COL24A1: variants seen among roughly 807,000 people sequenced by gnomAD.
The protein encoded by COL24A1 is collagen alpha-1(XXIV) chain.
In COL24A1, 224 loss-of-function variants were observed where a neutral mutation model predicts 253.9. The observed-to-expected ratio is 0.88, with a 90% CI of 0.79 to 0.99. The LOEUF (loss-of-function observed/expected upper bound fraction) is 0.99, where lower values mean the gene tolerates loss of function less well. Ranked by LOEUF, COL24A1 falls within the 50% of genes least tolerant of loss-of-function variation. The pLI is 0.00. For missense variants in COL24A1, 2,131 were observed against 2,068.5 expected (o/e 1.03, Z -0.59); for synonymous variants, 685 against 673.7 (o/e 1.02, Z -0.26).
intron 19 of COL24A1, among the ~76,000 whole-genome samples, chr1:86,003,607 A>C (rs904958952): frequency 6.6e-6 from 1 of 152,182 alleles, no homozygotes; most frequent in Non-Finnish European, 1.5e-5. Context: ...AGGTACACTT[A>C]TGCATACTCT....
intron 19 of COL24A1, among the ~76,000 whole-genome samples, chr1:85,996,380 A>T (rs942867564): frequency 6.6e-6 from 1 of 152,152 alleles, no homozygotes; most frequent in Admixed American, 6.5e-5. Flanking sequence ...TAAATATCTT[A>T]AGAATATCAA....
Position 85,737,423 on chromosome 1 carries a change from T to A in COL24A1, c.4755A>T (p.Thr1585=). The change falls in exon 58 of 60, where the codon ACA becomes ACT. Residue 1585 remains threonine, a synonymous_variant. Transcript: ENST00000370571. ...VFCNFSAGGQ[T]CLPPVSVTKL... is the part of the protein sequence containing the mutation. ...TTGTTACAGAAACAGGAGGTAAGCA[T>A]GTCTGGCCACCAGCACTGAAATTGC... is the stretch of plus-strand genomic sequence containing the variant. The A allele has an allele frequency of 6.2e-7, 1 of 1,612,740 alleles. No homozygotes were observed. The highest frequency in any genetic ancestry group is 8.5e-7 in the Non-Finnish European group (1 of 1,179,138).
chr1:85,970,071 G>A (rs1385868091), intron 22 of COL24A1, among the ~76,000 whole-genome samples, 156 bp downstream of exon 22: 1 of 152,080 alleles, frequency 6.6e-6, no homozygotes, highest in African/African-American at 2.4e-5. Context: ...GGGACTTCCA[G>A]TTATTGGCCT....
intron 35 of COL24A1, among the ~76,000 whole-genome samples, chr1:85,874,084 G>A (rs1680860597): frequency 6.6e-6 from 1 of 152,116 alleles, no homozygotes; most frequent in South Asian, 2.1e-4. Flanking sequence ...TTGCCTTTTA[G>A]TGAATAAATG....
chr1:86,154,170 G>A (rs141052866), intron 1 of COL24A1: 2 of 151,888 alleles, frequency 1.3e-5, no homozygotes, highest in East Asian at 3.9e-4. Flanking sequence ...AACTCCGAAG[G>A]GTTGGTGGCA....
chr1:85,795,765 G>C (rs1195979764), intron 47 of COL24A1, among the ~76,000 whole-genome samples: 1 of 151,998 alleles, frequency 6.6e-6, no homozygotes. Context: ...ACTTTCTGTA[G>C]TACAAATATA....
chr1:86,038,300 T>G (rs1699185730), intron 12 of COL24A1, among the ~76,000 whole-genome samples: 1 of 152,156 alleles, frequency 6.6e-6, no homozygotes, highest in Non-Finnish European at 1.5e-5. Flanking sequence ...TACGTAAGAT[T>G]CTATTGCATT....
chr1:85,853,842 T>C (rs148033333), intron 37 of COL24A1, among the ~76,000 whole-genome samples: 25 of 152,306 alleles, frequency 1.6e-4, no homozygotes, highest in African/African-American at 4.6e-4. Flanking sequence ...TTGATTTAAG[T>C]TCTTTATAGA....
intron 32 of COL24A1, among the ~76,000 whole-genome samples, chr1:85,887,687 C>T (rs112607466): frequency 9.9e-5 from 15 of 152,174 alleles, no homozygotes; most frequent in South Asian, 8.3e-4. Context: ...TGCCTACGTA[C>T]TTCTAAGGGG....
chr1:85,927,539 A>C (rs1300079340), intron 24 of COL24A1, among the ~76,000 whole-genome samples: 9 of 128,376 alleles, frequency 7.0e-5, no homozygotes, highest in Non-Finnish European at 1.2e-4. Flanking sequence ...TTGCTTAGGT[A>C]AACAAAGCAG....
intron 32 of COL24A1, among the ~76,000 whole-genome samples, chr1:85,877,751 C>CA (rs1681352175): frequency 6.6e-6 from 1 of 151,278 alleles, no homozygotes; most frequent in African/African-American, 2.4e-5. Flanking sequence ...TTAATGCACT[C>CA]ATTCATTCAA....
intron 24 of COL24A1, among the ~76,000 whole-genome samples, chr1:85,913,450 C>A (rs1175081180): frequency 6.6e-6 from 1 of 152,052 alleles, no homozygotes; most frequent in Non-Finnish European, 1.5e-5. Flanking sequence ...TCACTATTAC[C>A]CCTAGTCATC....
chr1:85,799,712 G>A (rs912901882), intron 47 of COL24A1, among the ~76,000 whole-genome samples: 2 of 152,048 alleles, frequency 1.3e-5, no homozygotes, highest in African/African-American at 4.8e-5. Context: ...CAAACCTTGG[G>A]GTTACAAAGG....
chr1:85,739,878 C>G (rs1481732935), intron 57 of COL24A1, among the ~76,000 whole-genome samples: 1 of 152,138 alleles, frequency 6.6e-6, no homozygotes, highest in Non-Finnish European at 1.5e-5. Context: ...TTACCAACAA[C>G]TGCATCTCCT....
intron 29 of COL24A1, 136 bp from the exon 30 acceptor site, chr1:85,896,201 G>A (rs1009685097): frequency 4.0e-5 from 47 of 1,169,722 alleles, no homozygotes; most frequent in Non-Finnish European, 5.7e-5. Context: ...AAACATCTCT[G>A]CCTGTGTAGT....
chr1:85,902,961 C>T lies in COL24A1; in HGVS notation c.2778+4233G>A, dbSNP rs143821366. ...AATGCTAAAGGTAATGAATGAAATA[C>T]CCTAAATACCCTGACTTGCTTACTA... is the stretch of plus-strand genomic sequence containing the variant. On this transcript the variant is annotated intron_variant, in intron 28 of 59. Transcript: ENST00000370571. Among the ~76,000 whole-genome samples, 164 of 151,988 alleles carry T rather than the reference C, an allele frequency of 1.1e-3. 1 individual carries two copies. The highest frequency in any genetic ancestry group is 3.7e-3 in the African/African-American group (154 of 41,450).
At chr1:85,860,595 G>A (rs1395521383) in intron 37 of COL24A1, among the ~76,000 whole-genome samples, 1 of 152,116 alleles carries the variant, frequency 6.6e-6, no homozygotes, top group African/African-American at 2.4e-5. Context: ...CAAAAAATTA[G>A]CCAGGCGTGG....
At chr1:85,839,956 T>C (rs1429497923) in intron 42 of COL24A1, among the ~76,000 whole-genome samples, 1 of 152,032 alleles carries the variant, frequency 6.6e-6, no homozygotes, top group Non-Finnish European at 1.5e-5. Flanking sequence ...TAAATTGAAA[T>C]TAGTTGGAAA....
At chr1:86,017,054 T>C in intron 19 of COL24A1, 97 bp downstream of exon 19, 1 of 1,131,876 alleles carries the variant, frequency 8.8e-7, no homozygotes, top group South Asian at 1.4e-5. Context: ...TTAAAGAGGA[T>C]CTTTCTTAAG....
Sources: allele counts gnomAD v4.1 joint callset (sites outside exome capture counted in the v4.1 genomes callset), GRCh38; gene constraint gnomAD v4.1.1; transcripts MANE v1.5; gene names NCBI Gene and HGNC (gene_info 2026-07-23, HGNC 2026-07-21).